Variants in LHFPL1 observed in about 807,000 individuals in gnomAD.
The protein encoded by LHFPL1 is LHFPL tetraspan subfamily member 1.
A neutral mutation model predicts 12.1 loss-of-function variants in LHFPL1; 4 were observed. That is an observed-to-expected ratio of 0.33 (90% CI 0.16 to 0.76). The LOEUF (loss-of-function observed/expected upper bound fraction) is 0.76, where lower values mean the gene tolerates loss of function less well. Among genes scored for constraint, LHFPL1 ranks in the 30% least tolerant of loss-of-function variants. The pLI is 0.61. For missense variants in LHFPL1, 141 were observed against 174.1 expected (o/e 0.81, Z 1.07); for synonymous variants, 52 against 61.9 (o/e 0.84, Z 0.75).
intron 3 of LHFPL1, among the ~76,000 whole-genome samples, chrX:112,646,503 T>G (rs1569362365): frequency 9.1e-6 from 1 of 109,601 alleles, no homozygotes; most frequent in Non-Finnish European, 1.9e-5. Flanking sequence ...CTAGATAAAC[T>G]GTATATAATC....
At chrX:112,647,909 G>T (rs917677545) in intron 3 of LHFPL1, among the ~76,000 whole-genome samples, 1 of 111,758 alleles carries the variant, frequency 8.9e-6, no homozygotes, top group Non-Finnish European at 1.9e-5. Flanking sequence ...CAATAGCAAA[G>T]ACTTGGAGCC....
At chrX:112,665,017 C>T (rs1288380458) in intron 2 of LHFPL1, among the ~76,000 whole-genome samples, 1 of 111,392 alleles carries the variant, frequency 9.0e-6, no homozygotes, top group African/African-American at 3.3e-5. Context: ...AAAAACACCA[C>T]TAAAAATGTT....
Position 112,671,057 on chromosome X carries a change from T to G in LHFPL1, c.334A>C (p.Ile112Leu). 1 of 1,211,892 alleles carries G rather than the reference T, an allele frequency of 8.3e-7. No homozygotes were observed. The change falls in exon 2 of 4, where the codon ATC (isoleucine) becomes CTC (leucine). Residue 112 changes from isoleucine (I) to leucine (L), a missense_variant. Coordinates refer to ENST00000371968, the MANE Select transcript of LHFPL1 (RefSeq NM_178175.4). ...ATGCAACGTCCCATCATTCTGGAGA[T>G]GAGCTCCTCCATGCAGCAACCCAGG... ...AVLGCCMEEL[I>L]SRMMGRCMGA...
In LHFPL1 at chrX:112,667,476, G is replaced by A. The variant is rs771762426; in HGVS notation, c.382+3533C>T. Among the ~76,000 whole-genome samples, 12 of 112,275 alleles carry A rather than the reference G, an allele frequency of 1.1e-4. No homozygotes were observed. In the South Asian group the frequency reaches 1.1e-3, roughly 10 times the overall value. ...GGTGATTCTGATACATTCCTTGGTC[G>A]AGAAAGATTCTTGGCCTCCCATGAG... On this transcript the variant is annotated intron_variant, in intron 2 of 3. Transcript: ENST00000371968.
At chrX:112,633,438 G>A (rs971015994) in intron 3 of LHFPL1, among the ~76,000 whole-genome samples, 1 of 112,455 alleles carries the variant, frequency 8.9e-6, no homozygotes, top group Non-Finnish European at 1.9e-5. Context: ...ATGTGCACGT[G>A]TACGCATATA....
intron 3 of LHFPL1, among the ~76,000 whole-genome samples, chrX:112,646,141 A>G (rs1456060441): frequency 2.7e-5 from 3 of 111,168 alleles, no homozygotes; most frequent in African/African-American, 9.8e-5. Context: ...AAGTGAAGAA[A>G]AGAAGTAAAG....
intron 3 of LHFPL1, 70 bp downstream of exon 3, chrX:112,660,557 C>T (rs769760539): frequency 1.4e-5 from 12 of 880,292 alleles, no homozygotes; most frequent in Non-Finnish European, 2.0e-5. Flanking sequence ...GAGTGCCCTC[C>T]AAGTGGTAAA....
rs768444007 is a variant in LHFPL1, at chrX:112,631,496, G to C, written c.587C>G (p.Pro196Arg). The C allele has an allele frequency of 2.5e-6, 3 of 1,210,563 alleles. No individual in the cohort carries two copies. Among genetic ancestry groups the C allele is most frequent in the Non-Finnish European group, 3.4e-6 (3 of 894,745 alleles). Residue 196 changes from proline to arginine, a missense_variant, in exon 4 of 4, where the codon CCT becomes CGT. Coordinates refer to ENST00000371968, the MANE Select transcript of LHFPL1 (RefSeq NM_178175.4). ...CATGATGCTCTCCACCAATATGACA[G>C]GCTTGGGGTTTCTTCCAGCAAAGCA... ...LSCFAGRNPK[P>R]VILVESIMRN...
intron 3 of LHFPL1, among the ~76,000 whole-genome samples, chrX:112,653,035 T>A (rs2147712317): frequency 8.9e-6 from 1 of 111,752 alleles, no homozygotes; most frequent in East Asian, 2.8e-4. Flanking sequence ...GGAATTCAAA[T>A]CCCACCTCTG....
intron 3 of LHFPL1, among the ~76,000 whole-genome samples, chrX:112,658,439 A>G (rs1235113903): frequency 4.7e-5 from 5 of 106,196 alleles, no homozygotes; most frequent in Admixed American, 1.0e-4. Flanking sequence ...AACAAAAAAA[A>G]AAAAGAAAAA....
At chrX:112,677,111 G>C (rs1016536449) in intron 1 of LHFPL1, among the ~76,000 whole-genome samples, 2 of 111,522 alleles carry the variant, frequency 1.8e-5, no homozygotes, top group African/African-American at 6.5e-5. Flanking sequence ...ATTTCTCTTG[G>C]TGGAGAAAAA....
intron 3 of LHFPL1, among the ~76,000 whole-genome samples, chrX:112,649,766 T>C (rs1014498785): frequency 1.8e-5 from 2 of 111,764 alleles, no homozygotes; most frequent in African/African-American, 6.5e-5. Context: ...ATTTTGTTAT[T>C]TATATGTATT....
At chrX:112,658,423 T>A in intron 3 of LHFPL1, among the ~76,000 whole-genome samples, 1 of 82,497 alleles carries the variant, frequency 1.2e-5, no homozygotes, top group African/African-American at 4.8e-5. Context: ...TTACTCCATC[T>A]CAAAAAACAA....
At chrX:112,634,202 G>A (rs1461632718) in intron 3 of LHFPL1, among the ~76,000 whole-genome samples, 1 of 111,383 alleles carries the variant, frequency 9.0e-6, no homozygotes, top group Non-Finnish European at 1.9e-5. Context: ...CAGACCAAGT[G>A]TCTTTACTCC....
intron 3 of LHFPL1, among the ~76,000 whole-genome samples, chrX:112,639,213 T>A (rs1464750524): frequency 1.3e-5 from 1 of 77,359 alleles, no homozygotes; most frequent in African/African-American, 5.4e-5. Flanking sequence ...TATGAGAACA[T>A]CTCTCTTCTC....
intron 1 of LHFPL1, among the ~76,000 whole-genome samples, chrX:112,676,092 G>A (rs1188580467): frequency 8.9e-6 from 1 of 111,904 alleles, no homozygotes; most frequent in Non-Finnish European, 1.9e-5. Flanking sequence ...GTTCACATGT[G>A]GTGGACAGTG....
chrX:112,667,323 G>A lies in LHFPL1; in HGVS notation c.382+3686C>T, dbSNP rs752055101. On this transcript the variant is annotated intron_variant, in intron 2 of 3. Coordinates refer to ENST00000371968, the MANE Select transcript of LHFPL1 (RefSeq NM_178175.4). ...GATCCTCCCTTAGGCTGGGGAAAGG[G>A]AACACACATACACATCAAAGTCACT... Among the ~76,000 whole-genome samples, 3 of 111,999 alleles carry A rather than the reference G, an allele frequency of 2.7e-5. No homozygotes were observed. The South Asian group carries it at 1.1e-3, about 42-fold the overall frequency.
chrX:112,659,415 G>T (rs762618190), intron 3 of LHFPL1, among the ~76,000 whole-genome samples: 23 of 110,208 alleles, frequency 2.1e-4, no homozygotes, highest in Admixed American at 1.9e-3. Context: ...ACCTGAGATC[G>T]CACCACTGCA....
At chrX:112,654,581 ATTTATG>A (rs1233493711) in intron 3 of LHFPL1, among the ~76,000 whole-genome samples, 1 of 109,609 alleles carries the variant, frequency 9.1e-6, no homozygotes, top group African/African-American at 3.3e-5. Context: ...TTATATTTAT[ATTTATG>A]TTTATATTTA....
Sources: gnomAD v4.1 joint callset for allele counts (sites outside exome capture counted in the v4.1 genomes callset) on GRCh38, gnomAD v4.1.1 for gene constraint, MANE v1.5 for transcripts, NCBI Gene and HGNC (gene_info 2026-07-23, HGNC 2026-07-21) for gene names.